The following KCNK16 variants were observed in gnomAD, a reference collection of about 807,000 sequenced individuals.
KCNK16 encodes the protein potassium channel subfamily K member 16.
KCNK16 carries 23 observed loss-of-function variants against 23.0 expected under a neutral mutation model. That is an observed-to-expected ratio of 1.00 (90% CI 0.72 to 1.41). KCNK16 has a LOEUF of 1.41. Ranked by LOEUF, KCNK16 falls within the 40% of genes most tolerant of loss-of-function variation. KCNK16 has a pLI of 0.00. For synonymous variants in KCNK16, 145 were observed against 153.5 expected, an observed-to-expected ratio of 0.94 and a Z score of 0.41; for missense variants, 327 against 365.8, an observed-to-expected ratio of 0.89 and a Z score of 0.87.
chr6:39,318,294 T>A (rs1283839857), intron 2 of KCNK16, among the ~76,000 whole-genome samples: 1 of 152,254 alleles, frequency 6.6e-6, no homozygotes, highest in African/African-American at 2.4e-5. Context: ...TTCCTCTTTG[T>A]TGGACTGGAA....
chr6:39,316,238 T>C lies in KCNK16; in HGVS notation c.866A>G (p.Lys289Arg). 6.4e-7 allele frequency: 1 copy of C among 1,553,028 alleles called. No individual in the cohort carries two copies. Among genetic ancestry groups the C allele is most frequent in the East Asian group, 2.4e-5 (1 of 41,728 alleles). Residue 289 changes from lysine (K) to arginine (R), a missense_variant, in exon 5 of 5, where the codon AAG becomes AGG. Transcript: ENST00000437525. ...GGGGCCTCATGCAGAGATGGGGATC[T>C]TCTGAGGCCTGGGGAGCCCACTGGG... ...SDPSGLPRPQ[K>R]IPISA
At chr6:39,314,851 C>T (rs867891522), downstream of KCNK16, 2 of 771,296 alleles carry the variant, frequency 2.6e-6, no homozygotes, top group Non-Finnish European at 4.2e-6. Flanking sequence ...AAAAGAGGGA[C>T]CCCAGCTGAT....
At chr6:39,316,668 T>C in intron 4 of KCNK16, 114 bp downstream of exon 4, 1 of 1,345,720 alleles carries the variant, frequency 7.4e-7, no homozygotes. Context: ...TTGGCTCCCT[T>C]GAATGACCAA....
At chr6:39,315,929 G>T (rs141822127), downstream of KCNK16, among the ~76,000 whole-genome samples, 484 of 152,316 alleles carry the variant, frequency 3.2e-3, no homozygotes, top group African/African-American at 0.011. Context: ...GGGGGCATGG[G>T]GAGGGCAGTG....
chr6:39,316,516 C>T, intron 4 of KCNK16, 74 bp from the exon 5 acceptor site: 1 of 1,492,562 alleles, frequency 6.7e-7, no homozygotes, highest in Non-Finnish European at 9.0e-7. Flanking sequence ...TAGGGACCCT[C>T]ACCAGCCAGG....
chr6:39,316,159 A>G, downstream of KCNK16: 11 of 1,446,258 alleles, frequency 7.6e-6, no homozygotes, highest in South Asian at 1.5e-5. Context: ...GGAAATCCAG[A>G]GAGCAGATAG....
chr6:39,316,881 G>A lies in KCNK16; in HGVS notation c.562C>T (p.Pro188Ser). ...LGTLVILIFP[P>S]MVFSHVEGWS... ...CCCTCCACATGGCTGAAGACCATGG[G>A]TGGGAAGATGAGAATGACCAGCGTC... is the stretch of plus-strand genomic sequence containing the variant. The change falls in exon 4 of 5, where the codon CCC (proline) becomes TCC (serine). Residue 188 changes from proline (P) to serine (S), a missense_variant. Coordinates refer to ENST00000437525, the MANE Select transcript of KCNK16 (RefSeq NM_001135106.2). 16 of 1,614,030 alleles carry A rather than the reference G, an allele frequency of 9.9e-6. No homozygotes were observed. The highest frequency in any genetic ancestry group is 2.2e-5 in the East Asian group (1 of 44,858).
rs1762432238 is a variant in KCNK16, at chr6:39,319,331, C to T, written c.214-198G>A. Among the ~76,000 whole-genome samples, 1 of 152,194 alleles carries T rather than the reference C, an allele frequency of 6.6e-6. No homozygotes were observed. Among genetic ancestry groups the T allele is most frequent in the Admixed American group, 6.5e-5 (1 of 15,280 alleles). On this transcript the variant is annotated intron_variant, in intron 1 of 4. Transcript: ENST00000437525. This position sits in a 1 kb window ranked among gnomAD's most constrained non-coding sequence, Gnocchi z 4.2. ...CCTGTGCAAGGTGACTGGACTCCAA[C>T]TCCAGTGTCTGTTCCACTGTCTGTT...
At chr6:39,317,617 T>C (rs1279377742) in intron 3 of KCNK16, among the ~76,000 whole-genome samples, 169 bp downstream of exon 3, 1 of 152,194 alleles carries the variant, frequency 6.6e-6, no homozygotes, top group Non-Finnish European at 1.5e-5. Context: ...AGAGCATGCA[T>C]AGAGATCCAA....
chr6:39,322,210 A>G (rs1321584886), intron 1 of KCNK16, 118 bp downstream of exon 1: 2 of 1,456,224 alleles, frequency 1.4e-6, no homozygotes, highest in Non-Finnish European at 1.8e-6. Context: ...TTCCCACCAC[A>G]CTCTTCTTCC....
At chr6:39,322,756 C>T (rs1230427974), upstream of KCNK16, 3 of 629,680 alleles carry the variant, frequency 4.8e-6, no homozygotes, top group Non-Finnish European at 7.7e-6. Context: ...AGGCCGGCCA[C>T]CCCCACCCGG....
Position 39,319,143 on chromosome 6 carries a change from G to A in KCNK16, c.214-10C>T, listed in dbSNP as rs765709629. 7 of 1,560,150 alleles carry A rather than the reference G, an allele frequency of 4.5e-6. No homozygotes were observed. In the South Asian group the frequency reaches 5.6e-5, roughly 12 times the overall value. On this transcript the variant is annotated splice_polypyrimidine_tract_variant and intron_variant, in intron 1 of 4. Coordinates refer to ENST00000437525, the MANE Select transcript of KCNK16 (RefSeq NM_001135106.2). The surrounding 1 kb of genome is among the most constrained non-coding windows in gnomAD (Gnocchi z 4.2). ...AGGCTTCCATGATGACCTGTAGGGG[G>A]TGGCATGGCAGGGGAGGAAGAAGGA... is the stretch of plus-strand genomic sequence containing the variant.
chr6:39,316,780 AC>A lies in KCNK16; in HGVS notation c.661+1del. ...GAGATAATGTGACTGTTTTGTTCTC[AC>A]CAACAACATAGTCCCCAAAGCCAAT... On this transcript the variant is annotated splice_donor_variant, in intron 4 of 4. Transcript: ENST00000437525. LOFTEE classifies it high-confidence loss of function. The A allele has an allele frequency of 6.2e-7, 1 of 1,613,370 alleles. No individual in the cohort carries two copies. The highest frequency in any genetic ancestry group is 1.1e-5 in the South Asian group (1 of 90,896).
chr6:39,319,428 G>A lies in KCNK16; in HGVS notation c.214-295C>T, dbSNP rs1334254962. ...GGCGGGAGATGGGCCTGAGGGGTGAGGTGGAGGATGCTCAGGGAGGGGTCC... is the reference window on the plus strand; with the variant it reads ...GGCGGGAGATGGGCCTGAGGGGTGAAGTGGAGGATGCTCAGGGAGGGGTCC... On this transcript the variant is annotated intron_variant, in intron 1 of 4. Coordinates refer to ENST00000437525, the MANE Select transcript of KCNK16 (RefSeq NM_001135106.2). The surrounding 1 kb of genome is among the most constrained non-coding windows in gnomAD (Gnocchi z 4.2). Among the ~76,000 whole-genome samples the A allele has an allele frequency of 4.6e-5, 7 of 152,158 alleles. No homozygotes were observed. The highest frequency in any genetic ancestry group is 1.0e-4 in the Non-Finnish European group (7 of 68,040).
chr6:39,318,076 G>C (rs1400300156), intron 2 of KCNK16, 124 bp from the exon 3 acceptor site: 3 of 914,020 alleles, frequency 3.3e-6, no homozygotes, highest in East Asian at 2.9e-5. Context: ...AAGCTCCCCT[G>C]TTCCCATGAA....
chr6:39,316,079 C>T, downstream of KCNK16: 5 of 1,276,702 alleles, frequency 3.9e-6, no homozygotes, highest in Non-Finnish European at 5.2e-6. Context: ...TCTCCTTTCT[C>T]TCTTGGGAGA....
chr6:39,316,056 T>C, downstream of KCNK16: 6 of 1,053,246 alleles, frequency 5.7e-6, no homozygotes, highest in Non-Finnish European at 6.5e-6. Context: ...TGTTACTTTC[T>C]TGGATATACC....
chr6:39,316,203 G>GCC lies in KCNK16; in HGVS notation c.*14_*15dup. The stretch of plus-strand genomic sequence containing the variant: ...TGGGGAGGATGAAAGGGGTTTCTGG[G>GCC]CCCCCCCCGGGGGCCTCATGCAGAG... On this transcript the variant is annotated 3_prime_UTR_variant, in exon 5 of 5. Transcript: ENST00000437525. 2.0e-6 allele frequency: 3 copies of GCC among 1,497,046 alleles called. No homozygotes were observed. Among genetic ancestry groups the GCC allele is most frequent in the South Asian group, 1.3e-5 (1 of 77,040 alleles). 92.7% of individuals were successfully genotyped at this position (1,497,046 alleles called of 1,614,324 possible).
Position 39,318,026 on chromosome 6 carries a change from C to T in KCNK16, c.329-74G>A, listed in dbSNP as rs1762393027. The T allele has an allele frequency of 2.1e-6, 3 of 1,435,452 alleles. No homozygotes were observed. The African/African-American group carries it at 4.3e-5, about 21-fold the overall frequency. The allele number at this position is 1,435,452 out of a possible 1,614,324, so 88.9% of individuals were successfully genotyped here. A position where few individuals can be genotyped will look rare whatever the true frequency, so the allele number is the denominator to read the frequency against. On this transcript the variant is annotated intron_variant, in intron 2 of 4. Transcript: ENST00000437525. ...TCTGCTCCTCTTCCCCAGACTCTAGCTGAGGTTTGTCTGTCACCACCTCTG... is the reference window on the plus strand; with the variant it reads ...TCTGCTCCTCTTCCCCAGACTCTAGTTGAGGTTTGTCTGTCACCACCTCTG...
Sources: allele counts gnomAD v4.1 joint callset (sites outside exome capture counted in the v4.1 genomes callset), GRCh38; gene constraint gnomAD v4.1.1; non-coding constraint Gnocchi (gnomAD v3.1); transcripts MANE v1.5; gene names NCBI Gene and HGNC (gene_info 2026-07-23, HGNC 2026-07-21).